Variants in KIAA0586 observed in about 807,000 individuals in gnomAD.
KIAA0586 encodes KIAA0586.
A neutral mutation model predicts 169.8 loss-of-function variants in KIAA0586; 144 were observed. The observed-to-expected ratio is 0.85, with a 90% CI of 0.74 to 0.97. The LOEUF is 0.97. Ranked by LOEUF, KIAA0586 falls within the 50% of genes least tolerant of loss-of-function variation. The pLI, the probability that KIAA0586 is intolerant of heterozygous loss-of-function variation, is 0.00. For synonymous variants in KIAA0586, 625 were observed against 612.4 expected, an observed-to-expected ratio of 1.02 and a Z score of -0.30; for missense variants, 1,854 against 1,823.0, an observed-to-expected ratio of 1.02 and a Z score of -0.31.
chr14:58,460,734 T>A (rs977724189), intron 13 of KIAA0586, among the ~76,000 whole-genome samples: 1 of 152,168 alleles, frequency 6.6e-6, no homozygotes, highest in African/African-American at 2.4e-5. Context: ...ATGTTTCTTG[T>A]TGGTGCTGAA....
Position 58,487,880 on chromosome 14 carries a change from C to A in KIAA0586, c.3305-7C>A, listed in dbSNP as rs371595613. ...CTTTTTCTGTCCTTTTAAAAAAAAA[C>A]CTTTAGGAGATGATATGCCTGCCAT... On this transcript the variant is annotated splice_region_variant and splice_polypyrimidine_tract_variant and intron_variant, in intron 22 of 30. Transcript: ENST00000652326. The A allele has an allele frequency of 1.4e-5, 20 of 1,440,724 alleles. No individual in the cohort carries two copies. In the East Asian group the frequency reaches 4.2e-4, roughly 30 times the overall value. The allele number at this position is 1,440,724 out of a possible 1,614,324, so 89.2% of individuals were successfully genotyped here.
At chr14:58,466,278 A>G (rs1286746695) in intron 15 of KIAA0586, among the ~76,000 whole-genome samples, 2 of 152,166 alleles carry the variant, frequency 1.3e-5, no homozygotes, top group Non-Finnish European at 2.9e-5. Context: ...CATGATAGTC[A>G]TCTACCTTTT....
chr14:58,556,154 C>T (rs1393392832), downstream of KIAA0586, among the ~76,000 whole-genome samples: 1 of 152,192 alleles, frequency 6.6e-6, no homozygotes, highest in Non-Finnish European at 1.5e-5. Context: ...ATTCCAAATG[C>T]ATATCTACTG....
intron 19 of KIAA0586, among the ~76,000 whole-genome samples, chr14:58,475,301 T>C (rs1179488973): frequency 6.6e-6 from 1 of 152,156 alleles, no homozygotes; most frequent in Non-Finnish European, 1.5e-5. Flanking sequence ...ATGTGAGGGA[T>C]CTAGGTTGCA....
At position 58,488,791 on chromosome 14, in the gene KIAA0586, C is replaced by T; in HGVS notation, c.3698C>T (p.Thr1233Ile). The T allele has an allele frequency of 6.2e-7, 1 of 1,613,848 alleles. No individual in the cohort carries two copies. Among genetic ancestry groups the T allele is most frequent in the South Asian group, 1.1e-5 (1 of 91,084 alleles). ...SSTLESTLSV[T>I]VTETETLDKP... ...ACACTGGAGAGCACATTGAGTGTTACTGTCACTGAAACTGAAACTTTAGAT... is the reference window on the plus strand; with the variant it reads ...ACACTGGAGAGCACATTGAGTGTTATTGTCACTGAAACTGAAACTTTAGAT... Residue 1233 changes from threonine to isoleucine, a missense_variant, in exon 24 of 31, where the codon ACT (threonine) becomes ATT (isoleucine). Coordinates refer to ENST00000652326, the MANE Select transcript of KIAA0586 (RefSeq NM_001329943.3).
chr14:58,543,131 C>CA (rs35632146), intron 30 of KIAA0586, among the ~76,000 whole-genome samples: 85,785 of 119,720 alleles, frequency 0.72, 29,598 homozygotes, highest in African/African-American at 0.87. Flanking sequence ...GATTACGTCT[C>CA]AAAAAAAAAA....
chr14:58,439,460 T>TA (rs2038114119), intron 4 of KIAA0586, among the ~76,000 whole-genome samples: 2 of 152,264 alleles, frequency 1.3e-5, no homozygotes, highest in Admixed American at 6.5e-5. Context: ...GTGCTGGGAT[T>TA]ACAGGCGTGA....
chr14:58,446,795 T>C (rs545368696), intron 6 of KIAA0586, among the ~76,000 whole-genome samples: 1 of 152,244 alleles, frequency 6.6e-6, no homozygotes, highest in Admixed American at 6.5e-5. Context: ...CCTGCATGAC[T>C]AAAATTGAGC....
intron 26 of KIAA0586, among the ~76,000 whole-genome samples, chr14:58,497,398 C>T (rs1364081500): frequency 6.7e-5 from 10 of 149,304 alleles, no homozygotes; most frequent in South Asian, 2.1e-4. Flanking sequence ...ATCACTCTGT[C>T]GCCCAGGCTG....
In KIAA0586 at chr14:58,509,332, A is replaced by G. The variant is rs138618660; in HGVS notation, c.4323+623A>G. The stretch of plus-strand genomic sequence containing the variant: ...ATACCTAGCTCAGTAATTTACATAT[A>G]GTAGGTGCTTGATAAGTGTTTATTA... On this transcript the variant is annotated intron_variant, in intron 28 of 30. Transcript: ENST00000652326. Among the ~76,000 whole-genome samples, 46 of 152,348 alleles carry G rather than the reference A, an allele frequency of 3.0e-4. No homozygotes were observed. In the East Asian group the frequency reaches 8.7e-3, roughly 29 times the overall value.
the KIAA0586 span, among the ~76,000 whole-genome samples, chr14:58,556,943 C>T: frequency 6.6e-6 from 1 of 152,134 alleles, no homozygotes; most frequent in Non-Finnish European, 1.5e-5. Flanking sequence ...CGGGGTTTCT[C>T]CCTGTTGGTC....
rs537951340 is a variant in KIAA0586 at position 58,474,776 on chromosome 14, T to A, written c.2804T>A (p.Leu935Gln). The change falls in exon 19 of 31, where the codon CTG becomes CAG. Residue 935 changes from leucine (L) to glutamine (Q), a missense_variant. Coordinates refer to ENST00000652326, the MANE Select transcript of KIAA0586 (RefSeq NM_001329943.3). ...AAAGTAATTGAGAGAAAAGAAACAC[T>A]GGAAAATAGCTTAATTCAATGGTAA... ...LDKVIERKETLENSLIQWVEQ... is the reference protein window; with the variant it reads ...LDKVIERKETQENSLIQWVEQ... 91 of 1,604,752 alleles carry A rather than the reference T, an allele frequency of 5.7e-5. No individual in the cohort carries two copies. In the Middle Eastern group the frequency reaches 1.3e-3, roughly 23 times the overall value.
intron 4 of KIAA0586, among the ~76,000 whole-genome samples, chr14:58,434,020 A>G (rs1013376449): frequency 6.6e-6 from 1 of 152,146 alleles, no homozygotes; most frequent in African/African-American, 2.4e-5. Context: ...AGGGAGACAG[A>G]CAGACAGACA....
At position 58,432,381 on chromosome 14, in the gene KIAA0586, T is replaced by G; in HGVS notation, c.341-7T>G. 6.6e-7 allele frequency: 1 copy of G among 1,512,838 alleles called. No individual in the cohort carries two copies. The highest frequency in any genetic ancestry group is 8.9e-7 in the Non-Finnish European group (1 of 1,117,388). 93.7% of individuals were successfully genotyped at this position (1,512,838 alleles called of 1,614,324 possible). On this transcript the variant is annotated splice_region_variant and splice_polypyrimidine_tract_variant and intron_variant, in intron 3 of 30. Transcript: ENST00000652326. ...TTAATATATATTTTTGTGTCTTGAT[T>G]TTGCAGCAAATGACATCTTCATTTC...
chr14:58,427,517 G>A, upstream of KIAA0586: 2 of 1,426,794 alleles, frequency 1.4e-6, no homozygotes, highest in African/African-American at 1.4e-5. Flanking sequence ...GTCTTGTGCG[G>A]CAATGTGCTA....
intron 9 of KIAA0586, among the ~76,000 whole-genome samples, chr14:58,455,390 T>A (rs1247425824): frequency 6.6e-6 from 1 of 152,228 alleles, no homozygotes; most frequent in Admixed American, 6.5e-5. Context: ...AGTTTCTTTG[T>A]ATGTCTCATA....
At chr14:58,476,223 C>G (rs370449370) in intron 19 of KIAA0586, among the ~76,000 whole-genome samples, 1 of 152,148 alleles carries the variant, frequency 6.6e-6, no homozygotes, top group African/African-American at 2.4e-5. Flanking sequence ...TAAACTCTTA[C>G]ATTTTTTTCT....
At chr14:58,462,477 T>A (rs894851184) in intron 14 of KIAA0586, among the ~76,000 whole-genome samples, 3 of 152,172 alleles carry the variant, frequency 2.0e-5, no homozygotes, top group African/African-American at 7.2e-5. Flanking sequence ...CGTCTTGAAC[T>A]CCTGACCTCA....
At chr14:58,459,819 A>C (rs754531845) in intron 12 of KIAA0586, 24 bp from the exon 13 acceptor site, 1 of 1,284,072 alleles carries the variant, frequency 7.8e-7, no homozygotes, top group South Asian at 1.4e-5. Flanking sequence ...CATTTTAAGT[A>C]ATTTTAACTT....
Sources: gnomAD v4.1 joint callset for allele counts (sites outside exome capture counted in the v4.1 genomes callset) on GRCh38, gnomAD v4.1.1 for gene constraint, MANE v1.5 for transcripts, NCBI Gene and HGNC (gene_info 2026-07-23, HGNC 2026-07-21) for gene names.